MBNL2: variants seen among roughly 807,000 people sequenced by gnomAD.
MBNL2 encodes the protein muscleblind-like protein 2.
In MBNL2, 17 loss-of-function variants were observed where a neutral mutation model predicts 41.9. The observed-to-expected ratio is 0.41, with a 90% confidence interval of 0.28 to 0.61. The LOEUF (loss-of-function observed/expected upper bound fraction) is 0.61. Among genes scored for constraint, MBNL2 ranks in the 20% least tolerant of loss-of-function variants. MBNL2 has a pLI of 0.35. For missense variants in MBNL2, 336 were observed against 505.6 expected, an observed-to-expected ratio of 0.66 and a Z score of 3.22; for synonymous variants, 195 against 182.9, an observed-to-expected ratio of 1.07 and a Z score of -0.53.
chr13:97,337,750 C>T (rs2061013752), intron 3 of MBNL2, among the ~76,000 whole-genome samples: 1 of 152,160 alleles, frequency 6.6e-6, no homozygotes. Flanking sequence ...AGACTCTTTC[C>T]TGAAATCACT....
chr13:97,311,857 T>C (rs1163060377), intron 2 of MBNL2, among the ~76,000 whole-genome samples: 1 of 152,204 alleles, frequency 6.6e-6, no homozygotes, highest in African/African-American at 2.4e-5. Context: ...TCTCTTTAAG[T>C]GAATGTCCAA....
chr13:97,359,310 A>G (rs1182565009), intron 7 of MBNL2, among the ~76,000 whole-genome samples: 1 of 152,100 alleles, frequency 6.6e-6, no homozygotes, highest in East Asian at 1.9e-4. Context: ...ACTGAGGGGA[A>G]AAACGTAAAA....
At chr13:97,333,713 C>G (rs2060613923) in intron 2 of MBNL2, among the ~76,000 whole-genome samples, 1 of 152,144 alleles carries the variant, frequency 6.6e-6, no homozygotes, top group South Asian at 2.1e-4. Context: ...TTACTCTCTA[C>G]TCCACAAATT....
chr13:97,358,612 G>T (rs372275776), intron 7 of MBNL2, among the ~76,000 whole-genome samples: 2 of 152,040 alleles, frequency 1.3e-5, no homozygotes, highest in African/African-American at 4.8e-5. Flanking sequence ...CATACGCAAA[G>T]ATAGTCACCA....
At chr13:97,261,157 G>A (rs1202698975) in intron 1 of MBNL2, among the ~76,000 whole-genome samples, 1 of 151,752 alleles carries the variant, frequency 6.6e-6, no homozygotes, top group Non-Finnish European at 1.5e-5. Context: ...GGAAGCCCCC[G>A]GCTCTTCCCT....
intron 1 of MBNL2, among the ~76,000 whole-genome samples, chr13:97,230,587 T>A (rs2042245002): frequency 6.6e-6 from 1 of 152,170 alleles, no homozygotes; most frequent in Non-Finnish European, 1.5e-5. Context: ...TGACAAAGGA[T>A]GAATCTTGGG....
the MBNL2 span, among the ~76,000 whole-genome samples, chr13:97,184,207 G>A: frequency 2.0e-5 from 3 of 152,196 alleles, no homozygotes; most frequent in Non-Finnish European, 4.4e-5. Context: ...ACAAGATATA[G>A]AGAGTATCAA....
intron 1 of MBNL2, among the ~76,000 whole-genome samples, chr13:97,269,896 G>A (rs1364225154): frequency 2.0e-5 from 3 of 152,196 alleles, no homozygotes; most frequent in Non-Finnish European, 4.4e-5. Flanking sequence ...TAGAGAGAGA[G>A]GAAGCCTGAA....
chr13:97,361,094 A>C (rs766680429), intron 7 of MBNL2, among the ~76,000 whole-genome samples: 3 of 152,246 alleles, frequency 2.0e-5, no homozygotes, highest in Non-Finnish European at 2.9e-5. Context: ...AAAAGAGTTC[A>C]TAAAGAGGTG....
chr13:97,236,761 C>G (rs1466146526), intron 1 of MBNL2, among the ~76,000 whole-genome samples: 1 of 152,218 alleles, frequency 6.6e-6, no homozygotes, highest in East Asian at 1.9e-4. Flanking sequence ...CTGGACCAGA[C>G]GGAAGTTAAT....
At chr13:97,316,951 A>C (rs1260560650) in intron 2 of MBNL2, among the ~76,000 whole-genome samples, 4 of 152,206 alleles carry the variant, frequency 2.6e-5, no homozygotes, top group Non-Finnish European at 4.4e-5. Context: ...CCCAAGGTAG[A>C]CTTGCAACAT....
In MBNL2 at chr13:97,244,895, A is replaced by G. The variant is rs533011502; in HGVS notation, c.-605+22364A>G. The stretch of plus-strand genomic sequence containing the variant: ...ATCTAATTACTGAAGAGCTTGAATT[A>G]TAGACTATTCATAAAGATGTACAGT... On this transcript the variant is annotated intron_variant, in intron 1 of 8. Transcript: ENST00000679496. 3.3e-5 allele frequency among the ~76,000 whole-genome samples: 5 copies of G among 152,350 alleles called. No homozygotes were observed. The East Asian group carries it at 9.6e-4, about 29-fold the overall frequency.
At chr13:97,364,565 A>C (rs1452311386) in intron 7 of MBNL2, among the ~76,000 whole-genome samples, 2 of 152,212 alleles carry the variant, frequency 1.3e-5, no homozygotes, top group African/African-American at 4.8e-5. Context: ...AGAATATCTT[A>C]AATCTTAAAC....
the MBNL2 span, among the ~76,000 whole-genome samples, chr13:97,147,947 C>A: frequency 6.6e-6 from 1 of 152,054 alleles, no homozygotes; most frequent in Admixed American, 6.6e-5. Flanking sequence ...TGGCTCCTGG[C>A]AGCAAAGGGA....
intron 5 of MBNL2, among the ~76,000 whole-genome samples, chr13:97,351,750 G>A (rs899977715): frequency 1.3e-5 from 2 of 152,146 alleles, no homozygotes; most frequent in African/African-American, 2.4e-5. Context: ...TTCGGCCAGC[G>A]TGGTAGCTCA....
intron 2 of MBNL2, among the ~76,000 whole-genome samples, chr13:97,307,792 A>C (rs1471764874): frequency 1.3e-5 from 2 of 152,204 alleles, no homozygotes; most frequent in African/African-American, 4.8e-5. Flanking sequence ...GACCTGGAAA[A>C]GACTTTAGAG....
At chr13:97,219,402 G>T (rs2040674565), upstream of MBNL2, among the ~76,000 whole-genome samples, 1 of 152,172 alleles carries the variant, frequency 6.6e-6, no homozygotes, top group African/African-American at 2.4e-5. Context: ...AGAGTTAAAG[G>T]TTGTCTTAGT....
intron 4 of MBNL2, among the ~76,000 whole-genome samples, chr13:97,344,221 ACCT>A (rs1487347667): frequency 6.6e-6 from 1 of 152,092 alleles, no homozygotes; most frequent in Non-Finnish European, 1.5e-5. Context: ...ATCAAACCAA[ACCT>A]CCTGTACTTT....
At position 97,346,878 on chromosome 13, in the gene MBNL2, C is replaced by T; in HGVS notation, c.615C>T (p.Ser205=). The T allele has an allele frequency of 6.2e-7, 1 of 1,613,960 alleles. No individual in the cohort carries two copies. Among genetic ancestry groups the T allele is most frequent in the Non-Finnish European group, 8.5e-7 (1 of 1,179,822 alleles). The part of the protein sequence containing the change: ...TDCRFAHPAD[S]TMIDTSDNTV... Reference sequence around the variant, plus strand: ...GCCGCTTTGCACACCCCGCAGACAGCACCATGATCGACACAAGTGACAACA... The same window carrying T: ...GCCGCTTTGCACACCCCGCAGACAGTACCATGATCGACACAAGTGACAACA... The change falls in exon 5 of 9, where the codon AGC becomes AGT. Residue 205 remains serine (S), a synonymous_variant. Coordinates refer to ENST00000679496, the MANE Select transcript of MBNL2 (RefSeq NM_001382683.1). This position sits in a 1 kb window ranked among gnomAD's most constrained non-coding sequence, Gnocchi z 4.2.
Sources: gnomAD v4.1 joint callset for allele counts (sites outside exome capture counted in the v4.1 genomes callset) on GRCh38, gnomAD v4.1.1 for gene constraint, Gnocchi (gnomAD v3.1) non-coding constraint, MANE v1.5 for transcripts, NCBI Gene and HGNC (gene_info 2026-07-23, HGNC 2026-07-21) for gene names.